EXOC6B: variants seen among roughly 807,000 people sequenced by gnomAD.
The protein encoded by EXOC6B is exocyst complex component 6B, also known as SEC15 homolog B.
EXOC6B carries 54 observed loss-of-function variants against 113.5 expected under a neutral mutation model. The ratio of observed to expected loss-of-function variants is 0.48; its 90% CI spans 0.38 to 0.60. The LOEUF (loss-of-function observed/expected upper bound fraction) is 0.60, where lower values mean the gene tolerates loss of function less well. Among genes scored for constraint, EXOC6B ranks in the 20% least tolerant of loss-of-function variants. The pLI, the probability that EXOC6B is intolerant of heterozygous loss-of-function variation, is 0.00. For missense variants in EXOC6B, 797 were observed against 977.5 expected (o/e 0.82, Z 2.46); for synonymous variants, 357 against 339.0 (o/e 1.05, Z -0.58).
chr2:72,337,452 C>T (rs1688756734), intron 19 of EXOC6B, among the ~76,000 whole-genome samples: 1 of 152,194 alleles, frequency 6.6e-6, no homozygotes, highest in African/African-American at 2.4e-5. Flanking sequence ...GAATCACCCA[C>T]CTGAATGCTT....
intron 20 of EXOC6B, among the ~76,000 whole-genome samples, chr2:72,187,882 G>A (rs1678543832): frequency 6.6e-6 from 1 of 152,204 alleles, no homozygotes; most frequent in African/African-American, 2.4e-5. Flanking sequence ...GGCACCTGGG[G>A]TTGGCCCCAA....
chr2:72,312,344 G>T (rs1009608111), intron 20 of EXOC6B, among the ~76,000 whole-genome samples: 2 of 151,380 alleles, frequency 1.3e-5, no homozygotes, highest in Non-Finnish European at 2.9e-5. Context: ...TAAGTTCTAT[G>T]AGGTAGAGAC....
At chr2:72,721,114 C>T (rs977637932) in intron 5 of EXOC6B, among the ~76,000 whole-genome samples, 3 of 151,780 alleles carry the variant, frequency 2.0e-5, no homozygotes, top group Middle Eastern at 3.4e-3. Flanking sequence ...AGATCACTTG[C>T]GGTCAGGAGT....
At chr2:72,649,376 A>G (rs1010850884) in intron 6 of EXOC6B, among the ~76,000 whole-genome samples, 1 of 152,208 alleles carries the variant, frequency 6.6e-6, no homozygotes, top group Non-Finnish European at 1.5e-5. Context: ...CTTGTAACAC[A>G]AAAAGCAAAT....
At chr2:72,318,398 A>ATTTTTTTT (rs558172381) in intron 20 of EXOC6B, among the ~76,000 whole-genome samples, 127 of 146,568 alleles carry the variant, frequency 8.7e-4, no homozygotes, top group African/African-American at 2.5e-3. Flanking sequence ...CTAGTTGTTA[A>ATTTTTTTT]TTTTTTTTTT....
intron 1 of EXOC6B, among the ~76,000 whole-genome samples, chr2:72,743,076 A>C (rs547472216): frequency 1.6e-4 from 25 of 152,270 alleles, no homozygotes; most frequent in Admixed American, 8.5e-4. Context: ...AATGACTCCT[A>C]ATCTATCTCC....
intron 1 of EXOC6B, among the ~76,000 whole-genome samples, chr2:72,745,260 C>G (rs189752234): frequency 6.6e-6 from 1 of 152,182 alleles, no homozygotes; most frequent in African/African-American, 2.4e-5. Flanking sequence ...TTGAAACCAG[C>G]CTGGTCAACA....
At chr2:72,745,421 G>A (rs1681629771) in intron 1 of EXOC6B, among the ~76,000 whole-genome samples, 1 of 151,822 alleles carries the variant, frequency 6.6e-6, no homozygotes, top group Non-Finnish European at 1.5e-5. Flanking sequence ...AACATGAAAG[G>A]TTTGCAGTAG....
chr2:72,398,180 G>A (rs1692874765), intron 18 of EXOC6B, among the ~76,000 whole-genome samples: 1 of 152,182 alleles, frequency 6.6e-6, no homozygotes, highest in South Asian at 2.1e-4. Flanking sequence ...CAAAAAGCCA[G>A]ACCATCTTGC....
intron 8 of EXOC6B, among the ~76,000 whole-genome samples, chr2:72,536,731 G>A (rs1243078310): frequency 1.3e-5 from 2 of 152,148 alleles, no homozygotes; most frequent in Non-Finnish European, 2.9e-5. Flanking sequence ...CCATCACAAT[G>A]TGGCCTCAAG....
At position 72,418,465 on chromosome 2, in the gene EXOC6B, T is replaced by C. The variant is rs1028510139; in HGVS notation, c.1981-38595A>G. 2.2e-4 allele frequency among the ~76,000 whole-genome samples: 33 copies of C among 152,326 alleles called. 1 individual carries two copies. Among genetic ancestry groups the C allele is most frequent in the African/African-American group, 7.0e-4 (29 of 41,596 alleles). ...CTATGTATTTCTCCTATCAGTTCTG[T>C]TAATCTTTGTTTTATATATGTTGAT... is the stretch of plus-strand genomic sequence containing the variant. On this transcript the variant is annotated intron_variant, in intron 18 of 21. Coordinates refer to ENST00000272427, the MANE Select transcript of EXOC6B (RefSeq NM_015189.3).
intron 20 of EXOC6B, among the ~76,000 whole-genome samples, chr2:72,301,255 T>C (rs1263844888): frequency 6.6e-6 from 1 of 152,238 alleles, no homozygotes; most frequent in Non-Finnish European, 1.5e-5. Context: ...GCAAGTATTT[T>C]GCTGAGGATT....
Position 72,212,833 on chromosome 2 carries a change from C to T in EXOC6B, c.2197-28646G>A, listed in dbSNP as rs138221959. ...TCTTACTATAGCAGGATAAGAGGCA[C>T]TTGAAGGAGAACCTTAAGTGGTGTA... is the stretch of plus-strand genomic sequence containing the variant. On this transcript the variant is annotated intron_variant, in intron 20 of 21. Coordinates refer to ENST00000272427, the MANE Select transcript of EXOC6B (RefSeq NM_015189.3). Among the ~76,000 whole-genome samples the T allele has an allele frequency of 5.5e-3, 834 of 152,340 alleles. 22 individuals are homozygous for T. Among genetic ancestry groups the T allele is most frequent in the Admixed American group, 0.048 (739 of 15,304 alleles).
At chr2:72,388,083 C>T (rs962016017) in intron 18 of EXOC6B, among the ~76,000 whole-genome samples, 2 of 152,086 alleles carry the variant, frequency 1.3e-5, no homozygotes, top group African/African-American at 4.8e-5. Flanking sequence ...GGGAGAAACG[C>T]TACTGGCATA....
At chr2:72,609,644 T>C (rs1307930768) in intron 6 of EXOC6B, among the ~76,000 whole-genome samples, 1 of 151,318 alleles carries the variant, frequency 6.6e-6, no homozygotes, top group East Asian at 1.9e-4. Flanking sequence ...AAAAGTATAA[T>C]TGGATTCCCA....
At chr2:72,338,069 A>C (rs1391155080) in intron 19 of EXOC6B, among the ~76,000 whole-genome samples, 2 of 152,186 alleles carry the variant, frequency 1.3e-5, no homozygotes, top group Non-Finnish European at 2.9e-5. Flanking sequence ...ACATTGATTA[A>C]GGGGATGGAC....
intron 20 of EXOC6B, among the ~76,000 whole-genome samples, chr2:72,250,046 T>A (rs1478857076): frequency 6.6e-6 from 1 of 152,230 alleles, no homozygotes; most frequent in Non-Finnish European, 1.5e-5. Flanking sequence ...CACATGGTAA[T>A]ACACTTCCTA....
intron 8 of EXOC6B, among the ~76,000 whole-genome samples, chr2:72,529,493 G>A (rs1446609951): frequency 2.0e-5 from 3 of 152,178 alleles, no homozygotes; most frequent in Non-Finnish European, 2.9e-5. Flanking sequence ...ATTGGAAAGT[G>A]TACCCTCCAT....
intron 20 of EXOC6B, among the ~76,000 whole-genome samples, chr2:72,258,261 G>A (rs1197724975): frequency 6.6e-6 from 1 of 151,908 alleles, no homozygotes; most frequent in Non-Finnish European, 1.5e-5. Flanking sequence ...TAACGACAGG[G>A]TTGATGTTTG....
Sources: gnomAD v4.1 joint callset for allele counts (sites outside exome capture counted in the v4.1 genomes callset) on GRCh38, gnomAD v4.1.1 for gene constraint, MANE v1.5 for transcripts, NCBI Gene and HGNC (gene_info 2026-07-23, HGNC 2026-07-21) for gene names.